ERG: variants seen among roughly 807,000 people sequenced by gnomAD.
ERG encodes the protein ETS transcription factor ERG, also known as transcriptional regulator ERG.
ERG carries 9 observed loss-of-function variants against 55.3 expected under a neutral mutation model. The observed-to-expected ratio is 0.16, with a 90% CI of 0.10 to 0.28. The LOEUF (loss-of-function observed/expected upper bound fraction) is 0.28, where lower values mean the gene tolerates loss of function less well. Among genes scored for constraint, ERG ranks in the 10% least tolerant of loss-of-function variants. The pLI is 1.00. For synonymous variants in ERG, 223 were observed against 237.3 expected, an observed-to-expected ratio of 0.94 and a Z score of 0.55; for missense variants, 434 against 631.6, an observed-to-expected ratio of 0.69 and a Z score of 3.35.
intron 2 of ERG, among the ~76,000 whole-genome samples, chr21:38,568,061 A>T (rs1199166131): frequency 2.6e-5 from 4 of 151,898 alleles, no homozygotes; most frequent in Admixed American, 2.6e-4. Flanking sequence ...ACTTCTTGGG[A>T]AGTACTGACC....
At position 38,381,077 on chromosome 21, in the gene ERG, C is replaced by T. The variant is rs965591705; in HGVS notation, c.*2326G>A. On this transcript the variant is annotated 3_prime_UTR_variant, in exon 10 of 10. Transcript: ENST00000288319. ...TGCAAAATGATGGATGGTTGGGCTC[C>T]GTCTAATCCAAATGACACGGGGTGT... is the stretch of plus-strand genomic sequence containing the variant. The T allele has an allele frequency of 7.5e-6, 8 of 1,064,480 alleles. No individual in the cohort carries two copies. Among genetic ancestry groups the T allele is most frequent in the Middle Eastern group, 4.1e-4 (1 of 2,416 alleles). The allele number at this position is 1,064,480 out of a possible 1,614,324, so 65.9% of individuals were successfully genotyped here.
intron 1 of ERG, among the ~76,000 whole-genome samples, chr21:38,653,698 C>T (rs2060501669): frequency 6.6e-6 from 1 of 152,218 alleles, no homozygotes; most frequent in South Asian, 2.1e-4. Flanking sequence ...GCGGAATGTT[C>T]TGGCTTCTCC....
intron 1 of ERG, among the ~76,000 whole-genome samples, chr21:38,647,299 C>T (rs774530124): frequency 9.9e-5 from 15 of 152,164 alleles, no homozygotes; most frequent in Non-Finnish European, 1.6e-4. Flanking sequence ...CACGTACGGG[C>T]ATCCACCGTC....
intron 3 of ERG, among the ~76,000 whole-genome samples, chr21:38,422,273 G>A (rs1296303624): frequency 6.6e-6 from 1 of 152,254 alleles, no homozygotes; most frequent in Admixed American, 6.5e-5. Context: ...AGGCAGGACC[G>A]CAGGGTGACC....
intron 1 of ERG, among the ~76,000 whole-genome samples, chr21:38,649,538 CAT>C (rs1260785534): frequency 1.3e-5 from 2 of 152,358 alleles, no homozygotes; most frequent in South Asian, 2.1e-4. Context: ...CATATTTACA[CAT>C]GTTCACTGAA....
At chr21:38,472,865 C>G (rs2836428) in intron 1 of ERG, among the ~76,000 whole-genome samples, 22,583 of 152,170 alleles carry the variant, frequency 0.15, 1,835 homozygotes, top group East Asian at 0.39. Flanking sequence ...TGTCTTGGTG[C>G]ATGCTGGGCC....
intron 1 of ERG, among the ~76,000 whole-genome samples, chr21:38,638,861 T>C (rs1331924789): frequency 2.0e-5 from 3 of 152,066 alleles, no homozygotes; most frequent in Non-Finnish European, 4.4e-5. Flanking sequence ...ATCCTGTGCC[T>C]AGCAGGTAAT....
At chr21:38,645,698 G>A (rs1448604755) in intron 1 of ERG, among the ~76,000 whole-genome samples, 1 of 152,186 alleles carries the variant, frequency 6.6e-6, no homozygotes, top group Non-Finnish European at 1.5e-5. Flanking sequence ...CAACTAAACA[G>A]TATTTGCTTG....
At chr21:38,388,037 T>TG (rs948847136) in intron 9 of ERG, among the ~76,000 whole-genome samples, 3 of 152,316 alleles carry the variant, frequency 2.0e-5, no homozygotes, top group African/African-American at 7.2e-5. Context: ...GTCCCCTCCC[T>TG]GGGGGACTCC....
rs1333146715 is a variant in ERG at position 38,382,182 on chromosome 21, G to A, written c.*1221C>T. The A allele has an allele frequency of 1.1e-5, 12 of 1,051,044 alleles. No homozygotes were observed. The highest frequency in any genetic ancestry group is 1.1e-4 in the East Asian group (2 of 18,428). The allele number at this position is 1,051,044 out of a possible 1,614,324, so 65.1% of individuals were successfully genotyped here. A position where few individuals can be genotyped will look rare whatever the true frequency, so the allele number is the denominator to read the frequency against. On this transcript the variant is annotated 3_prime_UTR_variant, in exon 10 of 10. Coordinates refer to ENST00000288319, the MANE Select transcript of ERG (RefSeq NM_182918.4). ...TTTTGTCGTGTGTCTTTGGCTGGCC[G>A]AGATCAACTCGTAGTGTATAAATGC...
At chr21:38,546,161 T>C (rs1262304822) in intron 2 of ERG, among the ~76,000 whole-genome samples, 2 of 152,212 alleles carry the variant, frequency 1.3e-5, no homozygotes, top group Admixed American at 1.3e-4. Flanking sequence ...TGTCCCACTG[T>C]CTGCAAAGCC....
chr21:38,441,601 G>A (rs893493154), intron 2 of ERG, among the ~76,000 whole-genome samples: 3 of 152,204 alleles, frequency 2.0e-5, no homozygotes, highest in African/African-American at 7.2e-5. Flanking sequence ...AATGCCAGGA[G>A]ACACACTGAG....
chr21:38,421,400 TCA>T (rs1989536754), intron 3 of ERG, among the ~76,000 whole-genome samples: 1 of 152,110 alleles, frequency 6.6e-6, no homozygotes, highest in Admixed American at 6.6e-5. Context: ...TTGCTGAAAG[TCA>T]CATGGTGACA....
intron 2 of ERG, among the ~76,000 whole-genome samples, chr21:38,535,527 A>AT (rs1325986231): frequency 6.6e-6 from 1 of 151,964 alleles, no homozygotes; most frequent in African/African-American, 2.4e-5. Flanking sequence ...ATATTTTATG[A>AT]TTTTCAAAAC....
intron 1 of ERG, among the ~76,000 whole-genome samples, chr21:38,462,223 T>A (rs754559993): frequency 6.6e-6 from 1 of 152,230 alleles, no homozygotes; most frequent in Non-Finnish European, 1.5e-5. Context: ...CCTCAGGTGA[T>A]CTGCCTGCTT....
chr21:38,429,576 T>C (rs1248110680), intron 2 of ERG, among the ~76,000 whole-genome samples: 1 of 89,918 alleles, frequency 1.1e-5, no homozygotes, highest in African/African-American at 3.5e-5. Flanking sequence ...CACATGTACA[T>C]ATATACATAT....
chr21:38,544,528 A>G (rs781734975), intron 2 of ERG, among the ~76,000 whole-genome samples: 12 of 152,202 alleles, frequency 7.9e-5, no homozygotes, highest in Non-Finnish European at 1.6e-4. Flanking sequence ...GAGAATACAT[A>G]GTTAAAGGAA....
chr21:38,418,998 C>T (rs1989415748), intron 3 of ERG, among the ~76,000 whole-genome samples: 1 of 150,912 alleles, frequency 6.6e-6, no homozygotes, highest in Non-Finnish European at 1.5e-5. Flanking sequence ...CCAAATTAAG[C>T]TCGGCCAAAA....
At chr21:38,450,576 G>A (rs557073266) in intron 1 of ERG, among the ~76,000 whole-genome samples, 9 of 152,070 alleles carry the variant, frequency 5.9e-5, no homozygotes, top group Admixed American at 4.6e-4. Context: ...ATATAACCAC[G>A]CAGAATTTGG....
Sources: gnomAD v4.1 joint callset for allele counts (sites outside exome capture counted in the v4.1 genomes callset) on GRCh38, gnomAD v4.1.1 for gene constraint, MANE v1.5 for transcripts, NCBI Gene and HGNC (gene_info 2026-07-23, HGNC 2026-07-21) for gene names.